SPATA6: variants seen among roughly 807,000 people sequenced by gnomAD.
SPATA6 encodes the protein spermatogenesis-associated protein 6.
SPATA6 carries 56 observed loss-of-function variants against 65.3 expected under a neutral mutation model. The ratio of observed to expected loss-of-function variants is 0.86; its 90% CI spans 0.69 to 1.07. The LOEUF is 1.07. Ranked by LOEUF, SPATA6 falls within the 50% of genes least tolerant of loss-of-function variation. SPATA6 has a pLI of 0.00. For missense variants in SPATA6, 590 were observed against 594.8 expected (o/e 0.99, Z 0.08); for synonymous variants, 199 against 213.2 (o/e 0.93, Z 0.58).
At chr1:48,318,354 A>G (rs1447268892) in intron 11 of SPATA6, among the ~76,000 whole-genome samples, 3 of 152,174 alleles carry the variant, frequency 2.0e-5, no homozygotes, top group Non-Finnish European at 4.4e-5. Context: ...TTTGCAGATA[A>G]GATGATTCTG....
chr1:48,273,678 T>A, the SPATA6 span, among the ~76,000 whole-genome samples: 1 of 152,176 alleles, frequency 6.6e-6, no homozygotes, highest in Non-Finnish European at 1.5e-5. Context: ...AACTCATCCT[T>A]TTTTTATGGC....
the SPATA6 span, among the ~76,000 whole-genome samples, chr1:48,276,081 G>A: frequency 2.0e-5 from 3 of 152,142 alleles, no homozygotes; most frequent in Non-Finnish European, 4.4e-5. Context: ...CTGTGTCCAG[G>A]AATTTATCCA....
intron 11 of SPATA6, among the ~76,000 whole-genome samples, chr1:48,342,950 A>G (rs1025394589): frequency 1.3e-5 from 2 of 152,174 alleles, no homozygotes; most frequent in African/African-American, 4.8e-5. Context: ...ATGAACCCCA[A>G]CGTATGAGGA....
chr1:48,374,095 A>C (rs1359359069), intron 9 of SPATA6, among the ~76,000 whole-genome samples: 1 of 152,216 alleles, frequency 6.6e-6, no homozygotes, highest in Non-Finnish European at 1.5e-5. Context: ...ATAAGTAAGA[A>C]ATGTCTCTGC....
intron 9 of SPATA6, among the ~76,000 whole-genome samples, chr1:48,366,885 G>C (rs1647035954): frequency 6.6e-6 from 1 of 152,128 alleles, no homozygotes; most frequent in Non-Finnish European, 1.5e-5. Context: ...TAATTGTGAT[G>C]TTAGGGTGTC....
the SPATA6 span, among the ~76,000 whole-genome samples, chr1:48,279,617 A>G: frequency 6.6e-6 from 1 of 152,240 alleles, no homozygotes; most frequent in Non-Finnish European, 1.5e-5. Context: ...GGATCAATTC[A>G]ACAAGAAGAG....
At chr1:48,465,776 C>G (rs1222338617) in intron 1 of SPATA6, among the ~76,000 whole-genome samples, 1 of 151,946 alleles carries the variant, frequency 6.6e-6, no homozygotes, top group African/African-American at 2.4e-5. Flanking sequence ...CCATGATTTT[C>G]CAAAAAAAGT....
At chr1:48,426,377 C>T (rs1653839817) in intron 3 of SPATA6, among the ~76,000 whole-genome samples, 1 of 151,962 alleles carries the variant, frequency 6.6e-6, no homozygotes, top group Non-Finnish European at 1.5e-5. Context: ...TCCTGGTAGC[C>T]CATAAGAACT....
At chr1:48,386,382 A>G (rs369712031) in intron 8 of SPATA6, among the ~76,000 whole-genome samples, 17 of 152,250 alleles carry the variant, frequency 1.1e-4, no homozygotes, top group Non-Finnish European at 1.9e-4. Context: ...CTGACAGAAA[A>G]GAAAATAAGA....
chr1:48,270,280 G>A, the SPATA6 span, among the ~76,000 whole-genome samples: 1 of 152,096 alleles, frequency 6.6e-6, no homozygotes, highest in Non-Finnish European at 1.5e-5. Flanking sequence ...CTTAGTTGAT[G>A]AGATAATCTC....
intron 11 of SPATA6, among the ~76,000 whole-genome samples, chr1:48,314,523 C>G (rs1427906234): frequency 6.6e-6 from 1 of 152,204 alleles, no homozygotes; most frequent in Non-Finnish European, 1.5e-5. Context: ...ACCAGAATCT[C>G]TGGGACACAT....
At chr1:48,406,087 C>T (rs1651676810) in intron 5 of SPATA6, among the ~76,000 whole-genome samples, 1 of 152,048 alleles carries the variant, frequency 6.6e-6, no homozygotes, top group African/African-American at 2.4e-5. Flanking sequence ...CTGCCTCACA[C>T]ATGCCCAAGG....
chr1:48,338,937 C>T (rs1646132149), intron 11 of SPATA6, among the ~76,000 whole-genome samples: 1 of 152,010 alleles, frequency 6.6e-6, no homozygotes, highest in Non-Finnish European at 1.5e-5. Flanking sequence ...CCTGAGGACA[C>T]TTGACTTCTG....
chr1:48,341,766 C>G (rs1646222006), intron 11 of SPATA6, among the ~76,000 whole-genome samples: 1 of 152,138 alleles, frequency 6.6e-6, no homozygotes, highest in Admixed American at 6.6e-5. Context: ...ACACTTCAAA[C>G]TATAAAAAGT....
chr1:48,357,129 T>C (rs1443840722), intron 10 of SPATA6, among the ~76,000 whole-genome samples: 1 of 152,172 alleles, frequency 6.6e-6, no homozygotes, highest in Non-Finnish European at 1.5e-5. Flanking sequence ...TCTAATTTCA[T>C]TTATAAAACT....
At chr1:48,316,088 A>G (rs916494154) in intron 11 of SPATA6, among the ~76,000 whole-genome samples, 6 of 152,184 alleles carry the variant, frequency 3.9e-5, no homozygotes, top group Admixed American at 3.3e-4. Flanking sequence ...AATCAATATC[A>G]TGAAAATGGC....
intron 11 of SPATA6, among the ~76,000 whole-genome samples, chr1:48,317,228 C>G (rs1202147361): frequency 1.3e-5 from 2 of 152,168 alleles, no homozygotes; most frequent in African/African-American, 2.4e-5. Context: ...CACATGCACA[C>G]ATATGTTTAT....
the SPATA6 span, among the ~76,000 whole-genome samples, chr1:48,283,188 T>G: frequency 2.2e-4 from 19 of 84,486 alleles, no homozygotes; most frequent in South Asian, 5.1e-4. Context: ...TGTTGTGGGG[T>G]GGGGGGAGGG....
chr1:48,330,778 C>T (rs1570154432), intron 11 of SPATA6, among the ~76,000 whole-genome samples: 1 of 152,320 alleles, frequency 6.6e-6, no homozygotes, highest in Non-Finnish European at 1.5e-5. Context: ...AGTTTCCAAC[C>T]CAAAAGTCCC....
Sources: gnomAD v4.1 joint callset for allele counts (sites outside exome capture counted in the v4.1 genomes callset) on GRCh38, gnomAD v4.1.1 for gene constraint, MANE v1.5 for transcripts, NCBI Gene and HGNC (gene_info 2026-07-23, HGNC 2026-07-21) for gene names.